PHF6: variants seen among roughly 807,000 people sequenced by gnomAD.
The protein encoded by PHF6 is PHD-like zinc finger protein.
A neutral mutation model predicts 34.0 loss-of-function variants in PHF6; 7 were observed. That is an observed-to-expected ratio of 0.21 (90% CI 0.12 to 0.39). PHF6 has a LOEUF of 0.39. PHF6 is among the 10% of genes least tolerant of loss of function. The probability of loss-of-function intolerance (pLI) is 1.00; values close to 1 mark genes in which losing one functional copy is unlikely to be tolerated. For synonymous variants in PHF6, 89 were observed against 88.4 expected, an observed-to-expected ratio of 1.01 and a Z score of -0.04; for missense variants, 128 against 262.8, an observed-to-expected ratio of 0.49 and a Z score of 3.55.
intron 3 of PHF6, among the ~76,000 whole-genome samples, chrX:134,381,180 C>T (rs148403755): frequency 0.011 from 1,267 of 111,037 alleles, 22 homozygotes; most frequent in African/African-American, 0.039. Flanking sequence ...ACTTTTGCTC[C>T]GTTTCCTTCC....
At position 134,426,920 on chromosome X, in the gene PHF6, A is replaced by G. The variant is rs746870822; in HGVS notation, c.*1260A>G. 3 of 164,005 alleles carry G rather than the reference A, an allele frequency of 1.8e-5. No homozygotes were observed. Among genetic ancestry groups the G allele is most frequent in the Non-Finnish European group, 3.5e-5 (3 of 84,756 alleles). 13.5% of individuals were successfully genotyped at this position (164,005 alleles called of 1,213,427 possible). A position where few individuals can be genotyped will look rare whatever the true frequency, so the allele number is the denominator to read the frequency against. The stretch of plus-strand genomic sequence containing the variant: ...AAGGGGAGGGATTTTGACTAGTTGA[A>G]TTATTAAGCCACCACAATAAAGCAG... On this transcript the variant is annotated 3_prime_UTR_variant, in exon 11 of 11. Coordinates refer to ENST00000370803, the MANE Select transcript of PHF6 (RefSeq NM_001015877.2).
Position 134,427,855 on chromosome X carries a change from C to T in PHF6, c.*2195C>T. On this transcript the variant is annotated 3_prime_UTR_variant, in exon 11 of 11. Transcript: ENST00000370803. ...TCACATGCTGAGTAAAAGTGCCTTA[C>T]AATGTAAAAATTGTACAGTACTTAT... 2 of 158,949 alleles carry T rather than the reference C, an allele frequency of 1.3e-5. No homozygotes were observed. Among genetic ancestry groups the T allele is most frequent in the Non-Finnish European group, 2.5e-5 (2 of 80,936 alleles). The allele number at this position is 158,949 out of a possible 1,213,427, so 13.1% of individuals were successfully genotyped here.
chrX:134,400,248 T>A (rs2077397650), intron 5 of PHF6, among the ~76,000 whole-genome samples: 1 of 110,030 alleles, frequency 9.1e-6, no homozygotes, highest in African/African-American at 3.3e-5. Flanking sequence ...CCGGCTAATT[T>A]TTTTTACATT....
rs180979985 is a variant in PHF6, at chrX:134,401,255, A to G, written c.418+7303A>G. ...TGTTTTCCTCATCTTACATCTTCCT[A>G]GTTTATGCTCCATCTTCCTCCTCCT... On this transcript the variant is annotated intron_variant, in intron 5 of 10. Transcript: ENST00000370803. Among the ~76,000 whole-genome samples, 7 of 111,089 alleles carry G rather than the reference A, an allele frequency of 6.3e-5. No homozygotes were observed. In the East Asian group the frequency reaches 1.4e-3, roughly 22 times the overall value.
rs763116203 is a variant in PHF6, at chrX:134,417,204, T to C, written c.870T>C (p.Ile290=). The C allele has an allele frequency of 2.8e-5, 34 of 1,208,976 alleles. No homozygotes were observed. The highest frequency in any genetic ancestry group is 3.7e-5 in the Non-Finnish European group (33 of 893,997). Residue 290 remains isoleucine (I), a synonymous_variant, in exon 9 of 11, where the codon ATT becomes ATC. Coordinates refer to ENST00000370803, the MANE Select transcript of PHF6 (RefSeq NM_001015877.2). The stretch of plus-strand genomic sequence containing the variant: ...TTTGCAGTCAGCCTGGTGCTACTAT[T>C]GGATGTGAAATAAAAGCCTGTGTTA... ...CTLCSQPGAT[I]GCEIKACVKT... is the part of the protein sequence containing the mutation.
At chrX:134,398,839 G>A (rs756230137) in intron 5 of PHF6, among the ~76,000 whole-genome samples, 1 of 111,567 alleles carries the variant, frequency 9.0e-6, no homozygotes, top group African/African-American at 3.3e-5. Context: ...AGCTAAGTGG[G>A]GATATCAGAG....
At chrX:134,394,428 G>A (rs1484060546) in intron 5 of PHF6, among the ~76,000 whole-genome samples, 3 of 111,070 alleles carry the variant, frequency 2.7e-5, no homozygotes, top group Admixed American at 9.5e-5. Context: ...CATCGTGCCC[G>A]ACCAAGATCT....
intron 3 of PHF6, among the ~76,000 whole-genome samples, chrX:134,384,873 G>C (rs901067772): frequency 5.4e-5 from 6 of 110,622 alleles, no homozygotes; most frequent in Admixed American, 3.9e-4. Flanking sequence ...GGATGGTCTT[G>C]ATCTCCTGAC....
chrX:134,388,739 C>G (rs1211107640), intron 3 of PHF6, among the ~76,000 whole-genome samples: 1 of 111,880 alleles, frequency 8.9e-6, no homozygotes, highest in African/African-American at 3.2e-5. Context: ...CCTATAGTTA[C>G]TGAGAAAGCA....
At chrX:134,422,723 T>A (rs1007667108) in intron 9 of PHF6, among the ~76,000 whole-genome samples, 4 of 111,769 alleles carry the variant, frequency 3.6e-5, no homozygotes, top group Admixed American at 1.9e-4. Flanking sequence ...TGGATTTTTT[T>A]AAAATGTCAG....
chrX:134,381,414 A>G (rs1318958118), intron 3 of PHF6, among the ~76,000 whole-genome samples: 2 of 111,224 alleles, frequency 1.8e-5, no homozygotes, highest in Admixed American at 1.9e-4. Flanking sequence ...TGAATCAAAT[A>G]GGAGGGGGGA....
chrX:134,401,526 C>T (rs2077402670), intron 5 of PHF6, among the ~76,000 whole-genome samples: 1 of 111,695 alleles, frequency 9.0e-6, no homozygotes, highest in African/African-American at 3.3e-5. Context: ...TACTCTTAAA[C>T]CTTTCAGGAA....
chrX:134,401,168 C>T (rs1033011048), intron 5 of PHF6, among the ~76,000 whole-genome samples: 2 of 111,524 alleles, frequency 1.8e-5, no homozygotes, highest in African/African-American at 6.5e-5. Flanking sequence ...TACACCAACG[C>T]TCCTCCTAGT....
At chrX:134,421,609 T>C (rs1438051627) in intron 9 of PHF6, among the ~76,000 whole-genome samples, 2 of 111,433 alleles carry the variant, frequency 1.8e-5, no homozygotes, top group Non-Finnish European at 3.8e-5. Flanking sequence ...TATTTCCATT[T>C]TCATTTTGGA....
chrX:134,399,668 CAG>C (rs1569339796), intron 5 of PHF6, among the ~76,000 whole-genome samples: 17 of 108,206 alleles, frequency 1.6e-4, no homozygotes, highest in African/African-American at 5.5e-4. Context: ...CACACACACA[CAG>C]ACACACACAC....
chrX:134,375,047 A>G (rs752469310), intron 1 of PHF6, among the ~76,000 whole-genome samples: 2 of 112,107 alleles, frequency 1.8e-5, no homozygotes, highest in African/African-American at 6.5e-5. Context: ...TGACAACATT[A>G]GATAAAAATC....
intron 5 of PHF6, among the ~76,000 whole-genome samples, chrX:134,406,114 T>TTTCTTTCTTTCTTTC (rs1556017671): frequency 7.1e-5 from 3 of 42,419 alleles, no homozygotes; most frequent in Admixed American, 2.3e-4. Flanking sequence ...TTCTTTCTTT[T>TTTCTTTCTTTCTTTC]TTTTTTTACT....
chrX:134,409,733 G>A (rs183193609), intron 5 of PHF6, among the ~76,000 whole-genome samples: 8 of 108,959 alleles, frequency 7.3e-5, no homozygotes, highest in Non-Finnish European at 1.3e-4. Flanking sequence ...TACTGAGGTT[G>A]GAGTATGAAT....
In PHF6 at chrX:134,427,111, A is replaced by T. The variant is rs1450349972; in HGVS notation, c.*1451A>T. 6.1e-6 allele frequency: 1 copy of T among 164,342 alleles called. No individual in the cohort carries two copies. The highest frequency in any genetic ancestry group is 1.2e-5 in the Non-Finnish European group (1 of 85,214). 13.5% of individuals were successfully genotyped at this position (164,342 alleles called of 1,213,427 possible). A position where few individuals can be genotyped will look rare whatever the true frequency, so the allele number is the denominator to read the frequency against. On this transcript the variant is annotated 3_prime_UTR_variant, in exon 11 of 11. Coordinates refer to ENST00000370803, the MANE Select transcript of PHF6 (RefSeq NM_001015877.2). ...TTAAGATCACGTTTGTCAAGTGTGTATTCACACATTTACTTAAATCAAGGG... is the reference window on the plus strand; with the variant it reads ...TTAAGATCACGTTTGTCAAGTGTGTTTTCACACATTTACTTAAATCAAGGG...
Sources: gnomAD v4.1 joint callset for allele counts (sites outside exome capture counted in the v4.1 genomes callset) on GRCh38, gnomAD v4.1.1 for gene constraint, MANE v1.5 for transcripts, NCBI Gene and HGNC (gene_info 2026-07-23, HGNC 2026-07-21) for gene names.